The following NCOR2 variants were observed in gnomAD, a reference collection of about 807,000 sequenced individuals.
The protein encoded by NCOR2 is CTG repeat protein 26.
In NCOR2, 81 loss-of-function variants were observed where a neutral mutation model predicts 262.9. That is an observed-to-expected ratio of 0.31 (90% confidence interval 0.26 to 0.37). The LOEUF (loss-of-function observed/expected upper bound fraction) is 0.37, where lower values mean the gene tolerates loss of function less well. NCOR2 is among the 10% of genes least tolerant of loss of function. NCOR2 has a pLI of 1.00. For synonymous variants in NCOR2, 1,659 were observed against 1,559.3 expected (o/e 1.06, Z -1.51); for missense variants, 3,385 against 3,621.4 (o/e 0.93, Z 1.68).
chr12:124,344,249 A>G (rs141571541), intron 32 of NCOR2, among the ~76,000 whole-genome samples: 296 of 152,368 alleles, frequency 1.9e-3, no homozygotes, highest in African/African-American at 6.7e-3. Context: ...CCCCAAGGCC[A>G]TAGCAAAATG....
At chr12:124,348,415 C>A in intron 28 of NCOR2, 101 bp from the exon 31 acceptor site, 1 of 1,428,260 alleles carries the variant, frequency 7.0e-7, no homozygotes, top group East Asian at 2.4e-5. Flanking sequence ...GCCAGCAGTG[C>A]TTCCATGCTG....
exon 38 of NCOR2, chr12:124,336,964 G>C: frequency 1.0e-5 from 16 of 1,529,982 alleles, no homozygotes; most frequent in Non-Finnish European, 1.4e-5. Flanking sequence ...GGGAGGAGGC[G>C]GGCTCCAGCC....
At chr12:124,479,091 C>T (rs1423039519) in intron 3 of NCOR2, among the ~76,000 whole-genome samples, 1 of 151,942 alleles carries the variant, frequency 6.6e-6, no homozygotes, top group Non-Finnish European at 1.5e-5. Context: ...GCTGGAGAGG[C>T]GGGCAGGCAG....
chr12:124,502,574 C>G (rs879763526), intron 1 of NCOR2, among the ~76,000 whole-genome samples: 2 of 152,052 alleles, frequency 1.3e-5, no homozygotes, highest in Non-Finnish European at 2.9e-5. Flanking sequence ...GAGGCAGGAC[C>G]GAGCCTGGTG....
chr12:124,357,858 G>A (rs1306157426), intron 22 of NCOR2, among the ~76,000 whole-genome samples: 1 of 150,424 alleles, frequency 6.6e-6, no homozygotes, highest in African/African-American at 2.5e-5. Flanking sequence ...GTGCATGGAT[G>A]TGTGTGTGCG....
At chr12:124,400,646 C>G in exon 15 of NCOR2, 18 of 1,614,192 alleles carry the variant, frequency 1.1e-5, no homozygotes, top group Non-Finnish European at 1.5e-5. Context: ...CGTCGTTGTC[C>G]TCCCCTGAGG....
At chr12:124,388,654 C>T in intron 16 of NCOR2, 2 of 1,304,022 alleles carry the variant, frequency 1.5e-6, no homozygotes, top group Non-Finnish European at 2.0e-6. Context: ...ACCCGCAGTC[C>T]CCCATCCCCT....
chr12:124,332,139 G>T (rs1037123509), intron 43 of NCOR2, 180 bp downstream of exon 45: 2 of 705,946 alleles, frequency 2.8e-6, no homozygotes, highest in African/African-American at 3.6e-5. Flanking sequence ...AGCAAATCAA[G>T]AAACTGCCCT....
At position 124,482,938 on chromosome 12, in the gene NCOR2, CTAACCA is replaced by C. The variant is rs1433868593; in HGVS notation, c.411+652_411+657del. On this transcript the variant is annotated intron_variant, in intron 3 of 46. Transcript: ENST00000405201. This position sits in a 1 kb window ranked among gnomAD's most constrained non-coding sequence, Gnocchi z 6.3. The stretch of plus-strand genomic sequence containing the variant: ...TCATTCTAGGGGTCCAGGCCATGTC[CTAACCA>C]AGCACCGCCCCTTTAGTGCTGAGCC... 6.6e-6 allele frequency among the ~76,000 whole-genome samples: 1 copy of C among 152,160 alleles called. No homozygotes were observed. The highest frequency in any genetic ancestry group is 6.5e-5 in the Admixed American group (1 of 15,276).
At chr12:124,527,726 T>TA (rs1428566096) in intron 1 of NCOR2, among the ~76,000 whole-genome samples, 1 of 152,170 alleles carries the variant, frequency 6.6e-6, no homozygotes, top group East Asian at 1.9e-4. Flanking sequence ...CCCAGTCAAT[T>TA]AAATAAATTA....
At chr12:124,415,017 T>C (rs753097261) in intron 13 of NCOR2, among the ~76,000 whole-genome samples, 1 of 152,118 alleles carries the variant, frequency 6.6e-6, no homozygotes, top group African/African-American at 2.4e-5. Context: ...CCTGGGTGCC[T>C]GCATTGCCTG....
exon 9 of NCOR2, chr12:124,430,713 G>T (rs2043860644): frequency 6.2e-7 from 1 of 1,614,188 alleles, no homozygotes; most frequent in Non-Finnish European, 8.5e-7. Context: ...GCCGCCGGGG[G>T]TTGTTCTCGA....
At chr12:124,559,891 C>T (rs1170074894) in intron 1 of NCOR2, among the ~76,000 whole-genome samples, 1 of 152,228 alleles carries the variant, frequency 6.6e-6, no homozygotes, top group African/African-American at 2.4e-5. Context: ...GTAGGTGCTA[C>T]AGCAACTATA....
At chr12:124,391,505 G>T (rs904234817) in intron 16 of NCOR2, among the ~76,000 whole-genome samples, 5 of 141,660 alleles carry the variant, frequency 3.5e-5, no homozygotes, top group South Asian at 4.2e-4. Flanking sequence ...GCCCTGGCGG[G>T]GGGGGGGTTC....
intron 44 of NCOR2, among the ~76,000 whole-genome samples, chr12:124,328,380 G>A (rs2034877704): frequency 2.0e-5 from 3 of 152,142 alleles, no homozygotes; most frequent in South Asian, 2.1e-4. Flanking sequence ...ACACAATCAC[G>A]GGACCAGCCC....
intron 20 of NCOR2, among the ~76,000 whole-genome samples, chr12:124,366,296 T>C (rs1456437478): frequency 6.6e-6 from 1 of 152,004 alleles, no homozygotes; most frequent in Non-Finnish European, 1.5e-5. Flanking sequence ...ATGACGTGGG[T>C]GGACCCTGAA....
intron 7 of NCOR2, among the ~76,000 whole-genome samples, chr12:124,445,614 C>T (rs574639343): frequency 3.3e-5 from 5 of 152,176 alleles, no homozygotes; most frequent in African/African-American, 7.2e-5. Flanking sequence ...AGGCCGTGAG[C>T]GCCAGGGAGG....
chr12:124,521,935 T>G (rs543459250), intron 1 of NCOR2, among the ~76,000 whole-genome samples: 13 of 152,210 alleles, frequency 8.5e-5, no homozygotes, highest in Non-Finnish European at 1.9e-4. Context: ...AGAGAATTGC[T>G]TGAACCAGGA....
At chr12:124,341,796 G>C (rs755000031) in intron 34 of NCOR2, 27 bp downstream of exon 36, 80 of 1,579,592 alleles carry the variant, frequency 5.1e-5, no homozygotes, top group Admixed American at 3.5e-4. Context: ...GCCAAACCCA[G>C]CGGAGGTGGT....
Sources: allele counts gnomAD v4.1 joint callset (sites outside exome capture counted in the v4.1 genomes callset), GRCh38; gene constraint gnomAD v4.1.1; non-coding constraint Gnocchi (gnomAD v3.1); transcripts MANE v1.5; gene names NCBI Gene and HGNC (gene_info 2026-07-23, HGNC 2026-07-21).